PCED1B: variants seen among roughly 807,000 people sequenced by gnomAD.
PCED1B encodes PC-esterase domain-containing protein 1B.
For synonymous variants in PCED1B, 251 were observed against 246.1 expected (o/e 1.02, Z -0.19); for missense variants, 573 against 573.9 (o/e 1.00, Z 0.02).
At chr12:47,146,739 G>T (rs1028838968) in intron 2 of PCED1B, among the ~76,000 whole-genome samples, 3 of 152,054 alleles carry the variant, frequency 2.0e-5, no homozygotes, top group Admixed American at 6.5e-5. Flanking sequence ...CATAACTTTT[G>T]CATGTGCTGG....
intron 2 of PCED1B, among the ~76,000 whole-genome samples, chr12:47,116,293 T>C (rs1939416542): frequency 6.6e-6 from 1 of 152,208 alleles, no homozygotes; most frequent in Non-Finnish European, 1.5e-5. Context: ...TATTTGTTCC[T>C]TTTGGAAAGG....
At chr12:47,092,770 A>G (rs1443839046) in intron 1 of PCED1B, among the ~76,000 whole-genome samples, 1 of 152,044 alleles carries the variant, frequency 6.6e-6, no homozygotes, top group Non-Finnish European at 1.5e-5. Flanking sequence ...AGATGATTGT[A>G]TGATTTTACT....
At chr12:47,178,587 G>A (rs1458752302) in intron 2 of PCED1B, among the ~76,000 whole-genome samples, 1 of 152,154 alleles carries the variant, frequency 6.6e-6, no homozygotes, top group Non-Finnish European at 1.5e-5. Flanking sequence ...ATTGGGATGA[G>A]GCCAGGCGCG....
chr12:47,220,353 G>A (rs2137828931), intron 3 of PCED1B, among the ~76,000 whole-genome samples: 1 of 152,050 alleles, frequency 6.6e-6, no homozygotes, highest in East Asian at 1.9e-4. Context: ...TGTATTTTTA[G>A]TAGAGACTGG....
chr12:47,084,939 C>T (rs1288229887), intron 1 of PCED1B, among the ~76,000 whole-genome samples: 4 of 152,170 alleles, frequency 2.6e-5, no homozygotes, highest in African/African-American at 4.8e-5. Context: ...AGTTGGGAGA[C>T]CAGCCTGGCC....
At chr12:47,216,163 AC>A (rs1463782535) in intron 2 of PCED1B, 58 bp from the exon 3 acceptor site, 1 of 152,234 alleles carries the variant, frequency 6.6e-6, no homozygotes. Flanking sequence ...AGTTCTTCTT[AC>A]CATTTCCCTG....
chr12:47,229,776 CT>C (rs111268333), intron 3 of PCED1B, among the ~76,000 whole-genome samples: 49 of 146,254 alleles, frequency 3.4e-4, no homozygotes, highest in East Asian at 6.0e-4. Context: ...CATTTCTTTT[CT>C]TTTTTTTTTT....
intron 1 of PCED1B, 140 bp downstream of exon 1, chr12:47,079,865 C>T (rs1941937036): frequency 6.6e-6 from 1 of 150,610 alleles, no homozygotes; most frequent in Non-Finnish European, 1.5e-5. Context: ...CTGCAGGACC[C>T]GGGGTTCCCG....
intron 2 of PCED1B, among the ~76,000 whole-genome samples, chr12:47,105,524 G>A (rs1464714545): frequency 2.0e-5 from 3 of 152,100 alleles, no homozygotes; most frequent in African/African-American, 7.2e-5. Context: ...CTTGATGGGA[G>A]GAAAATTACT....
intron 2 of PCED1B, among the ~76,000 whole-genome samples, chr12:47,211,048 G>A (rs12369526): frequency 0.27 from 41,762 of 151,960 alleles, 6,188 homozygotes; most frequent in African/African-American, 0.38. Context: ...ACTTTTCATG[G>A]CGCTATTTTC....
chr12:47,165,597 T>C (rs1268476068), intron 2 of PCED1B, among the ~76,000 whole-genome samples: 1 of 152,244 alleles, frequency 6.6e-6, no homozygotes, highest in East Asian at 1.9e-4. Context: ...AATTTACTTG[T>C]TCAAATGTCT....
intron 3 of PCED1B, among the ~76,000 whole-genome samples, chr12:47,231,076 C>T (rs1943790940): frequency 6.6e-6 from 1 of 152,112 alleles, no homozygotes; most frequent in Non-Finnish European, 1.5e-5. Flanking sequence ...AGTATGATTC[C>T]AAACGCAATG....
chr12:47,087,761 TA>T (rs2137156969), intron 1 of PCED1B, among the ~76,000 whole-genome samples: 1 of 152,264 alleles, frequency 6.6e-6, no homozygotes, highest in South Asian at 2.1e-4. Flanking sequence ...CAAATAAAAA[TA>T]TAATCTGGGG....
intron 2 of PCED1B, among the ~76,000 whole-genome samples, chr12:47,125,073 G>A (rs555016766): frequency 6.6e-6 from 1 of 151,938 alleles, no homozygotes; most frequent in Non-Finnish European, 1.5e-5. Flanking sequence ...TGTCAAACCT[G>A]AGAAATCTTT....
intron 2 of PCED1B, among the ~76,000 whole-genome samples, chr12:47,140,782 T>G (rs1940562716): frequency 1.3e-5 from 2 of 151,858 alleles, no homozygotes. Context: ...AGGGAAAGAG[T>G]GCAAAGGAAG....
chr12:47,147,593 A>G (rs1394966836), intron 2 of PCED1B, among the ~76,000 whole-genome samples: 1 of 151,976 alleles, frequency 6.6e-6, no homozygotes, highest in Non-Finnish European at 1.5e-5. Context: ...TTGTCTATCC[A>G]TATTCTATTT....
chr12:47,193,565 T>C (rs1942512535), intron 2 of PCED1B, among the ~76,000 whole-genome samples: 1 of 152,188 alleles, frequency 6.6e-6, no homozygotes, highest in African/African-American at 2.4e-5. Context: ...AGATTAAAAA[T>C]TATGGATGAC....
chr12:47,135,615 A>G (rs1404814), intron 2 of PCED1B: 306,116 of 497,236 alleles, frequency 0.62, 95,989 homozygotes, highest in Admixed American at 0.7. Flanking sequence ...CAGTCAGGTC[A>G]CCAACCATCT....
At chr12:47,122,062 T>C (rs1050336075) in intron 2 of PCED1B, among the ~76,000 whole-genome samples, 1 of 151,570 alleles carries the variant, frequency 6.6e-6, no homozygotes, top group African/African-American at 2.4e-5. Context: ...GAACTTCCCT[T>C]TTTTTTTCTC....
Sources: gnomAD v4.1 joint callset for allele counts (sites outside exome capture counted in the v4.1 genomes callset) on GRCh38, gnomAD v4.1.1 for gene constraint, MANE v1.5 for transcripts, NCBI Gene and HGNC (gene_info 2026-07-23, HGNC 2026-07-21) for gene names.